ARHGAP44: variants seen among roughly 807,000 people sequenced by gnomAD.
The protein encoded by ARHGAP44 is rho GTPase-activating protein 44.
Under a neutral mutation model 106.8 loss-of-function variants are expected in ARHGAP44, and 43 were observed. That is an observed-to-expected ratio of 0.40 (90% CI 0.32 to 0.52). ARHGAP44 has a LOEUF of 0.52. ARHGAP44 is among the 20% of genes least tolerant of loss of function. ARHGAP44 has a pLI of 0.48. For synonymous variants in ARHGAP44, 439 were observed against 410.3 expected (o/e 1.07, Z -0.85); for missense variants, 866 against 1,050.5 (o/e 0.82, Z 2.43).
rs372075960 is a variant in ARHGAP44 at position 12,885,603 on chromosome 17, G to A, written c.54-9337G>A. Among the ~76,000 whole-genome samples the A allele has an allele frequency of 3.3e-4, 50 of 151,996 alleles. No homozygotes were observed. In the South Asian group the frequency reaches 6.2e-3, roughly 19 times the overall value. On this transcript the variant is annotated intron_variant, in intron 1 of 20. Coordinates refer to ENST00000379672, the MANE Select transcript of ARHGAP44 (RefSeq NM_014859.6). ...TCTCATTTTGCTCTTAATTTACATTGTCTTAAGGGCTAATAATGTTGAACC... is the reference window on the plus strand; with the variant it reads ...TCTCATTTTGCTCTTAATTTACATTATCTTAAGGGCTAATAATGTTGAACC...
intron 1 of ARHGAP44, among the ~76,000 whole-genome samples, chr17:12,872,451 T>G (rs2036433236): frequency 4.0e-5 from 1 of 24,754 alleles, no homozygotes; most frequent in Admixed American, 3.5e-4. Context: ...TCAAGAAACT[T>G]TCTCGAAAGA....
At chr17:12,941,606 A>G (rs939540530) in intron 8 of ARHGAP44, among the ~76,000 whole-genome samples, 4 of 152,130 alleles carry the variant, frequency 2.6e-5, no homozygotes, top group African/African-American at 9.7e-5. Context: ...TAGGAAGGCA[A>G]TTCCTTCCCC....
At chr17:12,896,853 C>T (rs2037221312) in intron 3 of ARHGAP44, among the ~76,000 whole-genome samples, 1 of 152,176 alleles carries the variant, frequency 6.6e-6, no homozygotes, top group Non-Finnish European at 1.5e-5. Flanking sequence ...ACCCCTGATT[C>T]AGCTCATTCA....
intron 16 of ARHGAP44, among the ~76,000 whole-genome samples, chr17:12,961,598 A>G (rs533504697): frequency 4.6e-4 from 70 of 152,222 alleles, no homozygotes; most frequent in African/African-American, 1.5e-3. Flanking sequence ...GCCCGGTATG[A>G]TGGCGCATGC....
intron 1 of ARHGAP44, among the ~76,000 whole-genome samples, chr17:12,892,009 C>T (rs1248224600): frequency 5.3e-5 from 8 of 152,142 alleles, no homozygotes; most frequent in South Asian, 4.1e-4. Context: ...AGGCTGGTCT[C>T]GAACTTCTGA....
chr17:12,816,810 G>T (rs2034611584), intron 1 of ARHGAP44, among the ~76,000 whole-genome samples: 1 of 152,152 alleles, frequency 6.6e-6, no homozygotes, highest in South Asian at 2.1e-4. Flanking sequence ...CACAGTTATA[G>T]GTGAGGACTT....
chr17:12,979,739 C>A (rs1439749826), intron 18 of ARHGAP44, among the ~76,000 whole-genome samples: 2 of 152,188 alleles, frequency 1.3e-5, no homozygotes, highest in Admixed American at 6.5e-5. Context: ...TGGCAGGATA[C>A]GGTAGAGGTG....
At chr17:12,962,552 A>C (rs1313145968) in intron 16 of ARHGAP44, among the ~76,000 whole-genome samples, 2 of 152,198 alleles carry the variant, frequency 1.3e-5, no homozygotes, top group African/African-American at 4.8e-5. Context: ...ACATGACATC[A>C]TGTGCATCCT....
intron 1 of ARHGAP44, among the ~76,000 whole-genome samples, chr17:12,844,089 T>C (rs374545760): frequency 7.7e-4 from 118 of 152,332 alleles, no homozygotes; most frequent in African/African-American, 2.7e-3. Flanking sequence ...GCTCTGTGCA[T>C]GCATAGTTCA....
chr17:12,963,605 G>A (rs2039317173), intron 16 of ARHGAP44, among the ~76,000 whole-genome samples: 1 of 151,798 alleles, frequency 6.6e-6, no homozygotes, highest in Non-Finnish European at 1.5e-5. Flanking sequence ...CACCAATGCT[G>A]TGTGTGCAGA....
In ARHGAP44 at chr17:12,811,247, A is replaced by C. The variant is rs914989767; in HGVS notation, c.53+21356A>C. On this transcript the variant is annotated intron_variant, in intron 1 of 20. Transcript: ENST00000379672. ...AGAATGGTGTGAGCCTGGGAGGCGG[A>C]GCTTGCAGTGAGCCGAGATCGCACC... Among the ~76,000 whole-genome samples the C allele has an allele frequency of 9.3e-5, 14 of 150,878 alleles. No homozygotes were observed. In the Middle Eastern group the frequency reaches 0.014, roughly 149 times the overall value.
chr17:12,952,720 CTCTTTTTT>C, intron 13 of ARHGAP44, 139 bp downstream of exon 13: 1 of 331,170 alleles, frequency 3.0e-6, no homozygotes, highest in Non-Finnish European at 5.4e-6. Flanking sequence ...CATGCATGGT[CTCTTTTTT>C]TTTTTTTTTT....
intron 3 of ARHGAP44, among the ~76,000 whole-genome samples, chr17:12,900,716 A>C (rs2037349637): frequency 6.6e-6 from 1 of 152,102 alleles, no homozygotes. Context: ...CAAGCATCAT[A>C]CTCACAGTGC....
In ARHGAP44 at chr17:12,915,943, C is replaced by T; in HGVS notation, c.319C>T (p.Gln107Ter). ...TGGAGAGACGGAGGACAAGCTGGCTCAGGAGCTGATACATTTTGAGTTGCA... is the reference window on the plus strand; with the variant it reads ...TGGAGAGACGGAGGACAAGCTGGCTTAGGAGCTGATACATTTTGAGTTGCA... ...LCGETEDKLA[Q>*]ELIHFELQVE... The change falls in exon 5 of 21, where the codon CAG becomes TAG. Residue 107 changes from glutamine (Q) to a stop codon, truncating the protein, a stop_gained. Coordinates refer to ENST00000379672, the MANE Select transcript of ARHGAP44 (RefSeq NM_014859.6). LOFTEE classifies it high-confidence loss of function. The T allele has an allele frequency of 6.2e-7, 1 of 1,613,888 alleles. No homozygotes were observed. The highest frequency in any genetic ancestry group is 8.5e-7 in the Non-Finnish European group (1 of 1,179,852).
chr17:12,900,466 G>C (rs1212456827), intron 3 of ARHGAP44, among the ~76,000 whole-genome samples: 1 of 152,182 alleles, frequency 6.6e-6, no homozygotes, highest in Non-Finnish European at 1.5e-5. Flanking sequence ...TAACTGGTTA[G>C]TTCCTAGGTT....
intron 17 of ARHGAP44, chr17:12,973,772 G>C: frequency 1.9e-6 from 1 of 526,204 alleles, no homozygotes; most frequent in East Asian, 3.4e-5. Context: ...AGCTTGCCGG[G>C]CCATCATCCT....
intron 12 of ARHGAP44, among the ~76,000 whole-genome samples, chr17:12,952,203 A>G (rs1374647929): frequency 6.6e-6 from 1 of 152,156 alleles, no homozygotes; most frequent in Non-Finnish European, 1.5e-5. Context: ...CCTGACTGGC[A>G]TCTGTGTCCT....
At chr17:12,806,860 A>C (rs957185314) in intron 1 of ARHGAP44, among the ~76,000 whole-genome samples, 9 of 152,198 alleles carry the variant, frequency 5.9e-5, no homozygotes, top group African/African-American at 1.9e-4. Flanking sequence ...CCAGACCACC[A>C]GTGGTTCAGG....
At chr17:12,903,132 AGAGAGAGAGTGTGTGTGTGTGT>A (rs2037438843) in intron 3 of ARHGAP44, among the ~76,000 whole-genome samples, 1 of 125,876 alleles carries the variant, frequency 7.9e-6, no homozygotes, top group African/African-American at 3.1e-5. Context: ...GAGAGGAGAG[AGAGAGAGAGTGTGTGTGTGTGT>A]GTGTGTGTGT....
Sources: allele counts gnomAD v4.1 joint callset (sites outside exome capture counted in the v4.1 genomes callset), GRCh38; gene constraint gnomAD v4.1.1; transcripts MANE v1.5; gene names NCBI Gene and HGNC (gene_info 2026-07-23, HGNC 2026-07-21).